Variants in VWA8 observed in about 807,000 individuals in gnomAD.
VWA8 encodes von Willebrand factor A domain-containing protein 8.
In VWA8, 221 loss-of-function variants were observed where a neutral mutation model predicts 241.5. That is an observed-to-expected ratio of 0.91 (90% confidence interval 0.82 to 1.02). The LOEUF (loss-of-function observed/expected upper bound fraction) is 1.02, where lower values mean the gene tolerates loss of function less well. Among genes scored for constraint, VWA8 ranks in the 50% least tolerant of loss-of-function variants. The probability of loss-of-function intolerance (pLI) is 0.00; values close to 1 mark genes in which losing one functional copy is unlikely to be tolerated. For missense variants in VWA8, 2,322 were observed against 2,328.7 expected (o/e 1.00, Z 0.06); for synonymous variants, 852 against 827.1 (o/e 1.03, Z -0.52).
chr13:41,912,538 G>A (rs114313496), intron 2 of VWA8, among the ~76,000 whole-genome samples: 1,682 of 152,090 alleles, frequency 0.011, 33 homozygotes, highest in African/African-American at 0.039. Context: ...GATGATTTGA[G>A]GAACTGATTT....
intron 37 of VWA8, among the ~76,000 whole-genome samples, chr13:41,628,333 C>T (rs1049042046): frequency 2.6e-5 from 4 of 152,102 alleles, no homozygotes; most frequent in African/African-American, 9.7e-5. Context: ...GACAGAACTA[C>T]CTACCATTCA....
chr13:41,947,931 C>CT (rs1877928799), intron 2 of VWA8, among the ~76,000 whole-genome samples: 1 of 20,572 alleles, frequency 4.9e-5, no homozygotes, highest in Non-Finnish European at 1.1e-4. Context: ...GACCCTGTCT[C>CT]AAAAAAAAAA....
At chr13:41,939,401 T>C (rs1298426609) in intron 2 of VWA8, among the ~76,000 whole-genome samples, 1 of 152,132 alleles carries the variant, frequency 6.6e-6, no homozygotes, top group Non-Finnish European at 1.5e-5. Flanking sequence ...ACTTCAACAC[T>C]TACAGGTGAG....
chr13:41,809,546 T>A (rs931851677), intron 17 of VWA8, among the ~76,000 whole-genome samples: 1 of 151,998 alleles, frequency 6.6e-6, no homozygotes, highest in South Asian at 2.1e-4. Context: ...AAACTGGATA[T>A]CCATAAGCAG....
intron 21 of VWA8, among the ~76,000 whole-genome samples, chr13:41,740,266 C>T (rs1460700527): frequency 6.6e-6 from 1 of 152,136 alleles, no homozygotes; most frequent in East Asian, 1.9e-4. Flanking sequence ...TATGTTTTAT[C>T]TTAAAATTTG....
chr13:41,754,885 C>T (rs971542660), intron 21 of VWA8, among the ~76,000 whole-genome samples: 3 of 151,964 alleles, frequency 2.0e-5, no homozygotes, highest in South Asian at 2.1e-4. Context: ...GCTTATGTCG[C>T]TTAACATAAT....
intron 21 of VWA8, among the ~76,000 whole-genome samples, chr13:41,744,547 G>A (rs2045590100): frequency 1.3e-5 from 2 of 152,138 alleles, no homozygotes; most frequent in Admixed American, 6.6e-5. Context: ...ATCATCTGAA[G>A]ATTCTGGCTA....
intron 38 of VWA8, 53 bp from the exon 39 acceptor site, chr13:41,611,785 C>T: frequency 6.2e-7 from 1 of 1,604,524 alleles, no homozygotes; most frequent in Non-Finnish European, 8.5e-7. Flanking sequence ...GACCACAGAA[C>T]AAAAGTTGGG....
intron 37 of VWA8, among the ~76,000 whole-genome samples, chr13:41,645,354 G>C (rs965370739): frequency 6.6e-6 from 1 of 152,120 alleles, no homozygotes; most frequent in African/African-American, 2.4e-5. Flanking sequence ...TTTTCATCAA[G>C]GATATTTTCT....
chr13:41,605,307 G>A, intron 39 of VWA8, 31 bp from the exon 40 acceptor site: 1 of 1,603,766 alleles, frequency 6.2e-7, no homozygotes. Context: ...AAAGTTAACA[G>A]CTTAAATCAC....
intron 43 of VWA8, among the ~76,000 whole-genome samples, chr13:41,571,559 G>A (rs901678922): frequency 2.6e-5 from 4 of 152,126 alleles, no homozygotes; most frequent in African/African-American, 7.2e-5. Flanking sequence ...CGTGTTGGCC[G>A]GGCTGGTCTC....
At chr13:41,820,980 G>C (rs1870929610) in intron 14 of VWA8, among the ~76,000 whole-genome samples, 1 of 152,214 alleles carries the variant, frequency 6.6e-6, no homozygotes, top group South Asian at 2.1e-4. Context: ...TAAAGCTGCA[G>C]ATGTAGTTTC....
intron 2 of VWA8, chr13:41,926,767 G>A: frequency 1.8e-6 from 1 of 543,176 alleles, no homozygotes; most frequent in Non-Finnish European, 3.7e-6. Context: ...GAATCAGCAT[G>A]GTAGAAGAAC....
At chr13:41,837,534 G>C (rs754665224) in intron 12 of VWA8, among the ~76,000 whole-genome samples, 7 of 152,172 alleles carry the variant, frequency 4.6e-5, no homozygotes, top group Non-Finnish European at 1.0e-4. Flanking sequence ...CAGGTAATAA[G>C]CTAATGTTTA....
intron 12 of VWA8, among the ~76,000 whole-genome samples, chr13:41,854,295 C>T (rs1292354628): frequency 6.6e-6 from 1 of 152,032 alleles, no homozygotes; most frequent in African/African-American, 2.4e-5. Context: ...GCTTGGAAGA[C>T]AATTGGGGAA....
intron 2 of VWA8, chr13:41,925,517 T>C (rs1374123176): frequency 6.5e-6 from 1 of 152,886 alleles, no homozygotes; most frequent in Non-Finnish European, 1.5e-5. Context: ...CTAGAGTTTT[T>C]GTATGTGGCA....
intron 2 of VWA8, among the ~76,000 whole-genome samples, chr13:41,932,951 T>G (rs1223650806): frequency 2.6e-5 from 4 of 152,118 alleles, no homozygotes; most frequent in Admixed American, 1.3e-4. Flanking sequence ...TAATGTTTTA[T>G]ATAATAAATT....
At chr13:41,863,455 T>TATATATATTCA (rs1566485517) in intron 12 of VWA8, among the ~76,000 whole-genome samples, 68 of 87,028 alleles carry the variant, frequency 7.8e-4, no homozygotes, top group Non-Finnish European at 1.2e-3. Flanking sequence ...ATATATATAT[T>TATATATATTCA]CACACACACA....
intron 26 of VWA8, among the ~76,000 whole-genome samples, chr13:41,715,216 T>C (rs1174370120): frequency 6.6e-6 from 1 of 151,958 alleles, no homozygotes; most frequent in African/African-American, 2.4e-5. Flanking sequence ...AATGTTTCTA[T>C]TACCATCATC....
Sources: gnomAD v4.1 joint callset for allele counts (sites outside exome capture counted in the v4.1 genomes callset) on GRCh38, gnomAD v4.1.1 for gene constraint, MANE v1.5 for transcripts, NCBI Gene and HGNC (gene_info 2026-07-23, HGNC 2026-07-21) for gene names.